RGPD5: variants seen among roughly 807,000 people sequenced by gnomAD.
The protein encoded by RGPD5 is RANBP2-like and GRIP domain-containing protein 5/6.
At chr2:109,766,456 A>G in the RGPD5 span, among the ~76,000 whole-genome samples, 1 of 150,598 alleles carries the variant, frequency 6.6e-6, no homozygotes, top group African/African-American at 2.4e-5. Flanking sequence ...GGAGGAACCC[A>G]GGGAGTGTGC....
the RGPD5 span, among the ~76,000 whole-genome samples, chr2:109,762,461 GCTGCTTGT>G: frequency 2.0e-5 from 3 of 148,396 alleles, no homozygotes; most frequent in Non-Finnish European, 3.0e-5. Flanking sequence ...ATATTTTTAT[GCTGCTTGT>G]CTGCTTGCTG....
chr2:109,778,545 C>CTTGG, the RGPD5 span, among the ~76,000 whole-genome samples: 4 of 149,578 alleles, frequency 2.7e-5, no homozygotes, highest in African/African-American at 1.0e-4. Context: ...GTAGAATAAC[C>CTTGG]TTGGTAATAG....
the RGPD5 span, among the ~76,000 whole-genome samples, chr2:109,765,316 G>A: frequency 1.3e-5 from 2 of 148,654 alleles, no homozygotes; most frequent in East Asian, 4.2e-4. Context: ...TGAAACAAGA[G>A]CATCATGAAA....
the RGPD5 span, among the ~76,000 whole-genome samples, chr2:109,771,462 C>T: frequency 9.5e-6 from 1 of 104,740 alleles, no homozygotes; most frequent in African/African-American, 4.8e-5. Context: ...AGAAGCATGT[C>T]TACGTGCAGG....
At chr2:109,763,206 G>A in the RGPD5 span, among the ~76,000 whole-genome samples, 1 of 150,108 alleles carries the variant, frequency 6.7e-6, no homozygotes, top group African/African-American at 2.4e-5. Flanking sequence ...ACAGATGACA[G>A]CAGACTTTTT....
At chr2:109,761,322 T>A in the RGPD5 span, among the ~76,000 whole-genome samples, 1 of 138,750 alleles carries the variant, frequency 7.2e-6, no homozygotes, top group Non-Finnish European at 1.6e-5. Flanking sequence ...GGGAAACGAG[T>A]GTTTCTCCGT....
the RGPD5 span, among the ~76,000 whole-genome samples, chr2:109,777,437 G>C: frequency 7.2e-6 from 1 of 138,028 alleles, no homozygotes; most frequent in Non-Finnish European, 1.6e-5. Flanking sequence ...ATGTCACTTG[G>C]TTATGGTATA....
the RGPD5 span, among the ~76,000 whole-genome samples, chr2:109,778,506 A>C: frequency 6.7e-6 from 1 of 150,154 alleles, no homozygotes; most frequent in Middle Eastern, 3.4e-3. Flanking sequence ...CAACTCCAGA[A>C]GACCAGCTAG....
chr2:109,794,610 G>GCGGCTTCGGCCCGGCC (rs1481533589), intron 1 of RGPD5, 73 bp downstream of exon 1: 1 of 189,728 alleles, frequency 5.3e-6, no homozygotes, highest in African/African-American at 3.7e-5. Flanking sequence ...GGCGGCGGCG[G>GCGGCTTCGGCCCGGCC]GGGGGGCGGC....
chr2:109,799,263 G>A (rs1341395553), intron 1 of RGPD5, among the ~76,000 whole-genome samples: 11 of 136,732 alleles, frequency 8.0e-5, no homozygotes, highest in African/African-American at 2.6e-4. Flanking sequence ...AAAGGAAGGG[G>A]GGAACAGGCC....
chr2:109,774,505 T>TATATATATATATATA, the RGPD5 span, among the ~76,000 whole-genome samples: 5 of 32,070 alleles, frequency 1.6e-4, 1 homozygote, highest in East Asian at 3.3e-3. Context: ...CAAACATATA[T>TATATATATATATATA]ATATATATAA....
chr2:109,774,523 T>A, the RGPD5 span, among the ~76,000 whole-genome samples: 517 of 80,526 alleles, frequency 6.4e-3, 68 homozygotes, highest in Non-Finnish European at 7.9e-3. Context: ...TAATATATAT[T>A]ATATATATTA....
At chr2:109,767,300 G>T in the RGPD5 span, among the ~76,000 whole-genome samples, 1 of 149,896 alleles carries the variant, frequency 6.7e-6, no homozygotes, top group Admixed American at 6.9e-5. Context: ...GGACGGTTTT[G>T]AGTAGAGAGG....
At chr2:109,766,609 A>G in the RGPD5 span, among the ~76,000 whole-genome samples, 1 of 150,288 alleles carries the variant, frequency 6.7e-6, no homozygotes, top group Non-Finnish European at 1.5e-5. Context: ...CTAAGAATCT[A>G]TTTTGGGAGA....
chr2:109,799,251 A>G (rs1212004334), intron 1 of RGPD5, among the ~76,000 whole-genome samples: 3 of 138,172 alleles, frequency 2.2e-5, no homozygotes, highest in Non-Finnish European at 3.1e-5. Flanking sequence ...AAAAAAAAAA[A>G]AAAAGGAAGG....
chr2:109,761,425 A>C, the RGPD5 span, among the ~76,000 whole-genome samples: 1 of 146,574 alleles, frequency 6.8e-6, no homozygotes, highest in Non-Finnish European at 1.5e-5. Context: ...TCACAGTTGC[A>C]CTCCTCCTCC....
At chr2:109,763,773 T>G in the RGPD5 span, among the ~76,000 whole-genome samples, 1 of 150,312 alleles carries the variant, frequency 6.7e-6, no homozygotes. Flanking sequence ...CAAAAGAGAA[T>G]CTTATTTTAA....
the RGPD5 span, among the ~76,000 whole-genome samples, chr2:109,764,241 T>C: frequency 8.7e-5 from 13 of 149,256 alleles, 1 homozygote; most frequent in African/African-American, 2.7e-4. Flanking sequence ...AGCTTTGTTC[T>C]GTAGAGTCTT....
the RGPD5 span, among the ~76,000 whole-genome samples, chr2:109,761,595 A>G: frequency 1.4e-5 from 2 of 147,510 alleles, no homozygotes; most frequent in African/African-American, 5.0e-5. Flanking sequence ...GGTGTCTTAA[A>G]AATCCCATTG....
Sources: allele counts gnomAD v4.1 joint callset (sites outside exome capture counted in the v4.1 genomes callset), GRCh38; gene constraint gnomAD v4.1.1; transcripts MANE v1.5; gene names NCBI Gene and HGNC (gene_info 2026-07-23, HGNC 2026-07-21).